ZNF341: variants seen among roughly 807,000 people sequenced by gnomAD.
ZNF341 encodes the protein zinc finger protein 341.
A neutral mutation model predicts 87.7 loss-of-function variants in ZNF341; 52 were observed. The observed-to-expected ratio is 0.59, with a 90% CI of 0.47 to 0.75. ZNF341 has a LOEUF of 0.75. Among genes scored for constraint, ZNF341 ranks in the 30% least tolerant of loss-of-function variants. The pLI, the probability that ZNF341 is intolerant of heterozygous loss-of-function variation, is 0.00. For synonymous variants in ZNF341, 459 were observed against 472.7 expected, an observed-to-expected ratio of 0.97 and a Z score of 0.38; for missense variants, 977 against 1,145.9, an observed-to-expected ratio of 0.85 and a Z score of 2.13.
intron 10 of ZNF341, among the ~76,000 whole-genome samples, chr20:33,771,845 G>A (rs1450554611): frequency 6.6e-6 from 1 of 150,414 alleles, no homozygotes; most frequent in Admixed American, 6.7e-5. Flanking sequence ...GCAAGACCTT[G>A]TCTCAACAAA....
rs991594007 is a variant in ZNF341, at chr20:33,781,459, C to T, written c.1719+72C>T. On this transcript the variant is annotated intron_variant, in intron 11 of 14. Coordinates refer to ENST00000375200, the MANE Select transcript of ZNF341 (RefSeq NM_001282933.2). The stretch of plus-strand genomic sequence containing the variant: ...CAAGGAGGTGGGGTGGGGTGCACAC[C>T]TCACCCTTTCCTTCTCCTCTCTCAC... 5 of 1,368,466 alleles carry T rather than the reference C, an allele frequency of 3.7e-6. No homozygotes were observed. In the African/African-American group the frequency reaches 7.1e-5, roughly 20 times the overall value. The allele number at this position is 1,368,466 out of a possible 1,614,324, so 84.8% of individuals were successfully genotyped here. A position where few individuals can be genotyped will look rare whatever the true frequency, so the allele number is the denominator to read the frequency against.
Position 33,770,825 on chromosome 20 carries a change from T to A in ZNF341, c.1622+533T>A, listed in dbSNP as rs185803682. Among the ~76,000 whole-genome samples, 302 of 152,136 alleles carry A rather than the reference T, an allele frequency of 2.0e-3. 1 individual carries two copies. The highest frequency in any genetic ancestry group is 3.9e-3 in the South Asian group (19 of 4,816). ...CATCTCTACAAAATAAAATACATTT[T>A]AAAATGAACAGTTGGCTGGGCGTGG... On this transcript the variant is annotated intron_variant, in intron 10 of 14. Transcript: ENST00000375200.
chr20:33,764,248 C>T (rs952377290), intron 8 of ZNF341, among the ~76,000 whole-genome samples: 4 of 150,094 alleles, frequency 2.7e-5, no homozygotes, highest in African/African-American at 9.8e-5. Context: ...AGGATGGTCT[C>T]CATCTCCTGA....
intron 8 of ZNF341, among the ~76,000 whole-genome samples, chr20:33,766,151 C>G (rs972803171): frequency 2.0e-5 from 3 of 152,050 alleles, no homozygotes; most frequent in African/African-American, 4.8e-5. Context: ...TCCCAAAGTG[C>G]TGGGATTACA....
intron 4 of ZNF341, chr20:33,752,114 C>T (rs916095135): frequency 2.6e-6 from 1 of 388,364 alleles, no homozygotes; most frequent in South Asian, 2.0e-5. Flanking sequence ...GCAAGCCCCC[C>T]CCCCTTTTTT....
rs1380499827 is a variant in ZNF341 at position 33,791,786 on chromosome 20, C to T, written c.*269C>T. Reference sequence around the variant, plus strand: ...GGTGGCAGGAGAGAGATGGCTGAAGCCTGAGCAGCCCAGAGTCCCGCTGGT... The same window carrying T: ...GGTGGCAGGAGAGAGATGGCTGAAGTCTGAGCAGCCCAGAGTCCCGCTGGT... On this transcript the variant is annotated 3_prime_UTR_variant, in exon 15 of 15. Coordinates refer to ENST00000375200, the MANE Select transcript of ZNF341 (RefSeq NM_001282933.2). 4.7e-6 allele frequency: 2 copies of T among 429,894 alleles called. No individual in the cohort carries two copies. The highest frequency in any genetic ancestry group is 3.7e-5 in the Admixed American group (1 of 26,820). The allele number at this position is 429,894 out of a possible 1,614,324, so 26.6% of individuals were successfully genotyped here. A position where few individuals can be genotyped will look rare whatever the true frequency, so the allele number is the denominator to read the frequency against.
intron 8 of ZNF341, among the ~76,000 whole-genome samples, chr20:33,764,497 A>G (rs1267299501): frequency 3.6e-5 from 5 of 139,456 alleles, no homozygotes; most frequent in South Asian, 2.3e-4. Flanking sequence ...GTATATATAT[A>G]TGTGTGTGTA....
intron 1 of ZNF341, among the ~76,000 whole-genome samples, chr20:33,738,546 G>A (rs1233392850): frequency 1.3e-5 from 2 of 152,204 alleles, no homozygotes; most frequent in Non-Finnish European, 2.9e-5. Flanking sequence ...GGAGGTTAAA[G>A]GCAAGATGGG....
Position 33,757,277 on chromosome 20 carries a change from G to T in ZNF341, c.871G>T (p.Ala291Ser). 1 of 1,605,622 alleles carries T rather than the reference G, an allele frequency of 6.2e-7. No homozygotes were observed. Among genetic ancestry groups the T allele is most frequent in the Non-Finnish European group, 8.5e-7 (1 of 1,176,752 alleles). ...PMTSATGGTV[A>S]TFDSPATLKT... ...GACCAGCGCCACCGGGGGCACGGTG[G>T]CCACCTTTGACTCTCCAGCAACGCT... The change falls in exon 6 of 15, where the codon GCC becomes TCC. Residue 291 changes from alanine (A) to serine (S), a missense_variant. Physicochemically the swap from Ala to Ser is moderately conservative, Grantham distance 99. Transcript: ENST00000375200.
chr20:33,745,629 T>C (rs78770984), intron 3 of ZNF341, among the ~76,000 whole-genome samples: 3,184 of 152,154 alleles, frequency 0.021, 110 homozygotes, highest in African/African-American at 0.072. Context: ...AGATAATATA[T>C]TATTATTTTT....
At position 33,753,481 on chromosome 20, in the gene ZNF341, G is replaced by A. The variant is rs142740041; in HGVS notation, c.741+58G>A. On this transcript the variant is annotated intron_variant, in intron 5 of 14. Coordinates refer to ENST00000375200, the MANE Select transcript of ZNF341 (RefSeq NM_001282933.2). ...TGGTCATGGACATCATGGCCAACCC[G>A]GACCCATCCTGAGCACCAGCTGTGT... 1.8e-5 allele frequency: 27 copies of A among 1,486,266 alleles called. No individual in the cohort carries two copies. The East Asian group carries it at 3.4e-4, about 19-fold the overall frequency. The allele number at this position is 1,486,266 out of a possible 1,614,324, so 92.1% of individuals were successfully genotyped here. A position where few individuals can be genotyped will look rare whatever the true frequency, so the allele number is the denominator to read the frequency against.
intron 1 of ZNF341, among the ~76,000 whole-genome samples, chr20:33,734,040 T>C (rs1264116684): frequency 6.6e-6 from 1 of 152,244 alleles, no homozygotes; most frequent in Admixed American, 6.5e-5. Context: ...GAATATTTAC[T>C]GCAAGAATGT....
At chr20:33,749,537 GC>G (rs1477123756) in intron 4 of ZNF341, among the ~76,000 whole-genome samples, 6 of 151,946 alleles carry the variant, frequency 3.9e-5, no homozygotes, top group Non-Finnish European at 7.4e-5. Flanking sequence ...CCTCAAGTGA[GC>G]CCCCCACCTC....
At chr20:33,778,614 G>A (rs1169773925) in intron 10 of ZNF341, among the ~76,000 whole-genome samples, 1 of 151,968 alleles carries the variant, frequency 6.6e-6, no homozygotes, top group Non-Finnish European at 1.5e-5. Context: ...CCTGGCTAGT[G>A]TGTGGTTTCA....
intron 12 of ZNF341, 71 bp from the exon 13 acceptor site, chr20:33,788,792 A>G: frequency 7.7e-7 from 1 of 1,298,174 alleles, no homozygotes; most frequent in African/African-American, 1.5e-5. Context: ...TGAGGGGCCC[A>G]GCGGGGACCC....
At chr20:33,776,946 C>T (rs1449353569) in intron 10 of ZNF341, among the ~76,000 whole-genome samples, 2 of 152,096 alleles carry the variant, frequency 1.3e-5, no homozygotes, top group Non-Finnish European at 2.9e-5. Flanking sequence ...AGGCGTAAGC[C>T]ATCACACCTG....
At chr20:33,752,009 G>A (rs1349151611) in intron 4 of ZNF341, among the ~76,000 whole-genome samples, 1 of 152,084 alleles carries the variant, frequency 6.6e-6, no homozygotes, top group Non-Finnish European at 1.5e-5. Flanking sequence ...TGGTACAATA[G>A]AACAGTGCCC....
rs776803051 is a variant in ZNF341 at position 33,757,175 on chromosome 20, G to T, written c.769G>T (p.Val257Leu). The T allele has an allele frequency of 6.7e-7, 1 of 1,491,252 alleles. No homozygotes were observed. Among genetic ancestry groups the T allele is most frequent in the East Asian group, 2.6e-5 (1 of 38,624 alleles). The allele number at this position is 1,491,252 out of a possible 1,614,324, so 92.4% of individuals were successfully genotyped here. A position where few individuals can be genotyped will look rare whatever the true frequency, so the allele number is the denominator to read the frequency against. ...GCCAAACCAGTGTGTGGAGCCTCCA[G>T]TATATCCCACCCCCACAGTGTACAG... ...EVPNQCVEPP[V>L]YPTPTVYSPG... is the part of the protein sequence containing the mutation. The change falls in exon 6 of 15, where the codon GTA becomes TTA. Residue 257 changes from valine to leucine, a missense_variant. Around this residue, in one of 3 missense-constraint regions of ZNF341, gnomAD observed 515 missense variants for 598.2 expected, o/e 0.86. Transcript: ENST00000375200.
At position 33,791,342 on chromosome 20, in the gene ZNF341, C is replaced by G; in HGVS notation, c.2390C>G (p.Pro797Arg). Residue 797 changes from proline (P) to arginine (R), a missense_variant, in exon 15 of 15, where the codon CCG (proline) becomes CGG (arginine). Around this residue, in one of 3 missense-constraint regions of ZNF341, gnomAD observed 221 missense variants for 212.7 expected, o/e 1.04. Coordinates refer to ENST00000375200, the MANE Select transcript of ZNF341 (RefSeq NM_001282933.2). ...CCCGGCAAGCCGCCCTTCGCAGAGC[C>G]GGACGCGGTGCTGTCCATCGTTGTG... The part of the protein sequence containing the change: ...AVPGKPPFAE[P>R]DAVLSIVVGG... The G allele has an allele frequency of 6.2e-7, 1 of 1,612,058 alleles. No individual in the cohort carries two copies.
Sources: allele counts gnomAD v4.1 joint callset (sites outside exome capture counted in the v4.1 genomes callset), GRCh38; gene constraint gnomAD v4.1.1; regional missense constraint gnomAD v4.1.1; transcripts MANE v1.5; gene names NCBI Gene and HGNC (gene_info 2026-07-23, HGNC 2026-07-21).